Variants in NECAB1 observed in about 807,000 individuals in gnomAD.
The protein encoded by NECAB1 is N-terminal EF-hand calcium binding protein 1, also known as N-terminal EF-hand calcium-binding protein 1.
Under a neutral mutation model 57.5 loss-of-function variants are expected in NECAB1, and 29 were observed. The ratio of observed to expected loss-of-function variants is 0.50; its 90% CI spans 0.38 to 0.69. The LOEUF (loss-of-function observed/expected upper bound fraction) is 0.69. Among genes scored for constraint, NECAB1 ranks in the 30% least tolerant of loss-of-function variants. The probability of loss-of-function intolerance (pLI) is 0.00; values close to 1 mark genes in which losing one functional copy is unlikely to be tolerated. For missense variants in NECAB1, 372 were observed against 413.8 expected, an observed-to-expected ratio of 0.90 and a Z score of 0.88; for synonymous variants, 142 against 147.7, an observed-to-expected ratio of 0.96 and a Z score of 0.28.
intron 3 of NECAB1, among the ~76,000 whole-genome samples, chr8:90,849,983 G>T (rs1288335110): frequency 6.6e-6 from 1 of 152,082 alleles, no homozygotes; most frequent in Non-Finnish European, 1.5e-5. Context: ...AATTTAATAT[G>T]CCAGAATTGG....
intron 5 of NECAB1, among the ~76,000 whole-genome samples, chr8:90,916,193 T>G (rs1022185042): frequency 1.4e-4 from 22 of 152,228 alleles, no homozygotes; most frequent in African/African-American, 4.6e-4. Flanking sequence ...GGCTGATGAT[T>G]GAAACTTTTT....
At chr8:90,873,958 G>C (rs1189773580) in intron 4 of NECAB1, among the ~76,000 whole-genome samples, 1 of 152,152 alleles carries the variant, frequency 6.6e-6, no homozygotes, top group African/African-American at 2.4e-5. Context: ...GCTTTAGTTA[G>C]GGAACTGGTA....
intron 10 of NECAB1, among the ~76,000 whole-genome samples, chr8:90,944,392 A>T (rs1479854134): frequency 6.6e-6 from 1 of 152,206 alleles, no homozygotes; most frequent in Non-Finnish European, 1.5e-5. Flanking sequence ...GAATTTTTAA[A>T]AAGTTAAGTT....
intron 4 of NECAB1, 115 bp from the exon 5 acceptor site, chr8:90,880,918 A>T: frequency 1.4e-6 from 1 of 699,536 alleles, no homozygotes; most frequent in Non-Finnish European, 2.4e-6. Context: ...TCCAGTTTTC[A>T]CTTATAGCTG....
intron 7 of NECAB1, 67 bp from the exon 8 acceptor site, chr8:90,928,156 T>G: frequency 8.3e-7 from 1 of 1,211,742 alleles, no homozygotes; most frequent in Non-Finnish European, 1.2e-6. Flanking sequence ...AAAGCTCTGA[T>G]ATAACCAAGC....
chr8:90,919,216 G>A (rs1282262350), intron 6 of NECAB1, among the ~76,000 whole-genome samples: 1 of 152,164 alleles, frequency 6.6e-6, no homozygotes, highest in Non-Finnish European at 1.5e-5. Flanking sequence ...TACTTTGCAA[G>A]CTAGAGAAGC....
intron 2 of NECAB1, among the ~76,000 whole-genome samples, chr8:90,815,915 A>G (rs539429234): frequency 6.6e-6 from 1 of 152,044 alleles, no homozygotes; most frequent in South Asian, 2.1e-4. Context: ...AAAATTTTCA[A>G]ATGTTGGATA....
At chr8:90,825,343 A>G (rs1812207797) in intron 3 of NECAB1, among the ~76,000 whole-genome samples, 1 of 151,854 alleles carries the variant, frequency 6.6e-6, no homozygotes, top group Non-Finnish European at 1.5e-5. Flanking sequence ...TATTTTGCCT[A>G]TATAGATCTC....
chr8:90,892,523 G>A (rs111542968), intron 5 of NECAB1, among the ~76,000 whole-genome samples: 1,551 of 152,206 alleles, frequency 0.01, 24 homozygotes, highest in African/African-American at 0.035. Flanking sequence ...ATTAACCCCC[G>A]CAAAAGGTGA....
At chr8:90,943,106 A>T (rs964578678) in intron 10 of NECAB1, among the ~76,000 whole-genome samples, 1 of 152,138 alleles carries the variant, frequency 6.6e-6, no homozygotes, top group Non-Finnish European at 1.5e-5. Flanking sequence ...GTGTTGGGAA[A>T]ATGACCTCGA....
chr8:90,908,140 A>G (rs574075608), intron 5 of NECAB1, among the ~76,000 whole-genome samples: 2 of 152,342 alleles, frequency 1.3e-5, no homozygotes, highest in Admixed American at 1.3e-4. Flanking sequence ...AAATAGAACT[A>G]TCCATCTGAC....
chr8:90,862,542 C>A lies in NECAB1; in HGVS notation c.234-9586C>A, dbSNP rs149154502. Reference sequence around the variant, plus strand: ...AAAATGAGGTATTTTATGAAGCAAACCAATGACATAAGTTCATTTATTGGT... The same window carrying A: ...AAAATGAGGTATTTTATGAAGCAAAACAATGACATAAGTTCATTTATTGGT... On this transcript the variant is annotated intron_variant, in intron 3 of 12. Coordinates refer to ENST00000417640, the MANE Select transcript of NECAB1 (RefSeq NM_022351.5). Among the ~76,000 whole-genome samples the A allele has an allele frequency of 9.0e-3, 1,369 of 152,142 alleles. 5 individuals carry two copies. Among genetic ancestry groups the A allele is most frequent in the Non-Finnish European group, 0.015 (1,031 of 67,962 alleles).
intron 3 of NECAB1, among the ~76,000 whole-genome samples, chr8:90,828,472 C>G (rs886366189): frequency 3.3e-5 from 5 of 152,130 alleles, no homozygotes; most frequent in Admixed American, 1.3e-4. Context: ...TAATCTCACT[C>G]TAATGAGAAT....
chr8:90,836,601 A>C (rs1329689348), intron 3 of NECAB1, among the ~76,000 whole-genome samples: 3 of 152,204 alleles, frequency 2.0e-5, no homozygotes, highest in Non-Finnish European at 4.4e-5. Context: ...TCAGATTAAA[A>C]TAAATTTTGA....
At chr8:90,950,972 C>T in intron 11 of NECAB1, 141 bp from the exon 12 acceptor site, 1 of 410,482 alleles carries the variant, frequency 2.4e-6, no homozygotes, top group Non-Finnish European at 4.3e-6. Flanking sequence ...GCTGAACAAC[C>T]ATTAAAAGAA....
At chr8:90,917,999 T>C (rs1810017143) in intron 6 of NECAB1, among the ~76,000 whole-genome samples, 1 of 134,728 alleles carries the variant, frequency 7.4e-6, no homozygotes, top group Non-Finnish European at 1.6e-5. Flanking sequence ...TATATGTGTG[T>C]GTGTATATAT....
chr8:90,879,842 T>A (rs1407250321), intron 4 of NECAB1, among the ~76,000 whole-genome samples: 1 of 152,234 alleles, frequency 6.6e-6, no homozygotes, highest in African/African-American at 2.4e-5. Flanking sequence ...TTCTAAAGAA[T>A]CTTTATAAGA....
rs201632245 is a variant in NECAB1 at position 90,949,867 on chromosome 8, T to C, written c.921T>C (p.Asn307=). The change falls in exon 11 of 13, where the codon AAT becomes AAC. Residue 307 remains asparagine (N), a synonymous_variant. Coordinates refer to ENST00000417640, the MANE Select transcript of NECAB1 (RefSeq NM_022351.5). ...SRYMIYEFWE[N]SSVWNSHLQT... ...ACATGATCTATGAGTTCTGGGAGAA[T>C]AGTAGTGTATGGAATAGGTAAGTTG... The C allele has an allele frequency of 3.0e-5, 48 of 1,606,782 alleles. No individual in the cohort carries two copies. Among genetic ancestry groups the C allele is most frequent in the African/African-American group, 1.9e-4 (14 of 74,912 alleles).
chr8:90,922,903 G>A (rs922196146), intron 6 of NECAB1, among the ~76,000 whole-genome samples: 1 of 152,054 alleles, frequency 6.6e-6, no homozygotes, highest in Non-Finnish European at 1.5e-5. Context: ...TTCAAAACAT[G>A]ACATAAAAGT....
Sources: gnomAD v4.1 joint callset for allele counts (sites outside exome capture counted in the v4.1 genomes callset) on GRCh38, gnomAD v4.1.1 for gene constraint, MANE v1.5 for transcripts, NCBI Gene and HGNC (gene_info 2026-07-23, HGNC 2026-07-21) for gene names.